PLEK: variants seen among roughly 807,000 people sequenced by gnomAD.
The protein encoded by PLEK is platelet 47 kDa protein.
Under a neutral mutation model 43.9 loss-of-function variants are expected in PLEK, and 25 were observed. The observed-to-expected ratio is 0.57, with a 90% CI of 0.41 to 0.79. The LOEUF is 0.79. Ranked by LOEUF, PLEK falls within the 30% of genes least tolerant of loss-of-function variation. PLEK has a pLI of 0.00. For synonymous variants in PLEK, 152 were observed against 144.4 expected, an observed-to-expected ratio of 1.05 and a Z score of -0.38; for missense variants, 396 against 413.3, an observed-to-expected ratio of 0.96 and a Z score of 0.36.
chr2:68,395,452 A>AAT (rs1018421709), intron 8 of PLEK, among the ~76,000 whole-genome samples: 2 of 152,054 alleles, frequency 1.3e-5, no homozygotes, highest in African/African-American at 2.4e-5. Context: ...ATTTCTTAAA[A>AAT]ATATATATAT....
intron 4 of PLEK, among the ~76,000 whole-genome samples, chr2:68,384,983 A>T (rs1235901555): frequency 6.6e-6 from 1 of 152,224 alleles, no homozygotes; most frequent in Non-Finnish European, 1.5e-5. Context: ...AAATTCATGG[A>T]AGGCTCGCTA....
chr2:68,397,123 T>C lies in PLEK; in HGVS notation c.*1307T>C, dbSNP rs1271249401. ...CCAAAATTGAGAAAGACAGCACCCA[T>C]TGAAGCAGATATGTGTGTGAAAGTA... On this transcript the variant is annotated 3_prime_UTR_variant, in exon 9 of 9. Coordinates refer to ENST00000234313, the MANE Select transcript of PLEK (RefSeq NM_002664.3). 1 of 152,184 alleles carries C rather than the reference T, an allele frequency of 6.6e-6. No individual in the cohort carries two copies. The highest frequency in any genetic ancestry group is 6.5e-5 in the Admixed American group (1 of 15,278). The allele number at this position is 152,184 out of a possible 1,614,324, so 9.4% of individuals were successfully genotyped here. A position where few individuals can be genotyped will look rare whatever the true frequency, so the allele number is the denominator to read the frequency against.
chr2:68,374,158 C>T (rs750301898), intron 1 of PLEK, among the ~76,000 whole-genome samples: 12 of 152,246 alleles, frequency 7.9e-5, no homozygotes, highest in South Asian at 2.1e-4. Context: ...GCAGACATCA[C>T]GCTACCTCAC....
At chr2:68,388,772 A>G (rs1673801175) in intron 6 of PLEK, among the ~76,000 whole-genome samples, 1 of 152,016 alleles carries the variant, frequency 6.6e-6, no homozygotes, top group South Asian at 2.1e-4. Flanking sequence ...TGGCCGGAGG[A>G]GATAAATTGT....
At chr2:68,390,112 G>T (rs1010831612) in intron 6 of PLEK, among the ~76,000 whole-genome samples, 1 of 152,192 alleles carries the variant, frequency 6.6e-6, no homozygotes, top group East Asian at 1.9e-4. Context: ...ACCTGGGATG[G>T]TCAAAAATTG....
At position 68,388,476 on chromosome 2, in the gene PLEK, A is replaced by G. The variant is rs779849370; in HGVS notation, c.747A>G (p.Gly249=). Residue 249 remains glycine, a synonymous_variant, in exon 6 of 9, where the codon GGA becomes GGG. Transcript: ENST00000234313. ...TCAGAGGGGTCATTATCAAGCAGGG[A>G]TGTTTACTGAAGCAGGTGAGTGGCC... ...EEFRGVIIKQ[G]CLLKQGHRRK... is the part of the protein sequence containing the mutation. 1.3e-6 allele frequency: 2 copies of G among 1,584,908 alleles called. No homozygotes were observed. The highest frequency in any genetic ancestry group is 1.7e-4 in the Middle Eastern group (1 of 6,000).
At chr2:68,395,647 G>A (rs1165193256) in intron 8 of PLEK, 33 bp from the exon 9 acceptor site, 2 of 1,613,630 alleles carry the variant, frequency 1.2e-6, no homozygotes, top group Admixed American at 1.7e-5. Flanking sequence ...TCTGATGCCT[G>A]TGCGTGCTGC....
Position 68,372,971 on chromosome 2 carries a change from G to A in PLEK, c.43-7357G>A, listed in dbSNP as rs529923396. Among the ~76,000 whole-genome samples the A allele has an allele frequency of 5.3e-5, 8 of 151,722 alleles. No homozygotes were observed. In the East Asian group the frequency reaches 1.4e-3, roughly 26 times the overall value. ...AACATTAATTGTTCAGATGTGGTAGGCCAATCACTTAACTGGGCCTCCACT... is the reference window on the plus strand; with the variant it reads ...AACATTAATTGTTCAGATGTGGTAGACCAATCACTTAACTGGGCCTCCACT... On this transcript the variant is annotated intron_variant, in intron 1 of 8. Coordinates refer to ENST00000234313, the MANE Select transcript of PLEK (RefSeq NM_002664.3).
At chr2:68,389,580 A>G (rs1180244298) in intron 6 of PLEK, among the ~76,000 whole-genome samples, 1 of 152,194 alleles carries the variant, frequency 6.6e-6, no homozygotes, top group African/African-American at 2.4e-5. Context: ...ATAGGTATGG[A>G]TTTTGAGTTT....
At position 68,382,768 on chromosome 2, in the gene PLEK, G is replaced by A; in HGVS notation, c.472+135G>A. The stretch of plus-strand genomic sequence containing the variant: ...CCAGAATGCAGCCTGGTGAGCCTGA[G>A]GATGAAGCTCCTACAGAGTGAAAAT... On this transcript the variant is annotated intron_variant, in intron 4 of 8. Transcript: ENST00000234313. 5.0e-6 allele frequency: 3 copies of A among 602,640 alleles called. No individual in the cohort carries two copies. In the South Asian group the frequency reaches 7.0e-5, roughly 14 times the overall value. 37.3% of individuals were successfully genotyped at this position (602,640 alleles called of 1,614,324 possible).
At chr2:68,367,450 C>T (rs368886497) in intron 1 of PLEK, among the ~76,000 whole-genome samples, 41 of 152,208 alleles carry the variant, frequency 2.7e-4, no homozygotes, top group Non-Finnish European at 4.9e-4. Context: ...TAGCTTCCAG[C>T]GTCTCATTTG....
chr2:68,369,358 A>G (rs936355511), intron 1 of PLEK, among the ~76,000 whole-genome samples: 3 of 152,006 alleles, frequency 2.0e-5, no homozygotes, highest in Admixed American at 6.6e-5. Flanking sequence ...ACCACTTTCT[A>G]TGTGGCCCTC....
rs375603732 is a variant in PLEK, at chr2:68,380,741, A to G, written c.217A>G (p.Thr73Ala). 1.2e-6 allele frequency: 2 copies of G among 1,613,752 alleles called. No homozygotes were observed. Among genetic ancestry groups the G allele is most frequent in the Non-Finnish European group, 1.7e-6 (2 of 1,179,818 alleles). The change falls in exon 3 of 9, where the codon ACG becomes GCG. Residue 73 changes from threonine to alanine, a missense_variant. Coordinates refer to ENST00000234313, the MANE Select transcript of PLEK (RefSeq NM_002664.3). ...GKRMFVFKITTTKQQDHFFQA... is the reference protein window; with the variant it reads ...GKRMFVFKITATKQQDHFFQA... ...TTTTCAGTTTGTGTTTAAGATCACT[A>G]CGACCAAACAGCAGGACCACTTCTT...
In PLEK at chr2:68,382,612, A is replaced by G. The variant is rs1673648415; in HGVS notation, c.451A>G (p.Ile151Val). ...KELNLEKDKK[I>V]FNHCFTGNCV... Reference sequence around the variant, plus strand: ...ACTGAATCTAGAGAAGGACAAGAAGATTTTTAATCACTGCTTCACAGGTAA... The same window carrying G: ...ACTGAATCTAGAGAAGGACAAGAAGGTTTTTAATCACTGCTTCACAGGTAA... The change falls in exon 4 of 9, where the codon ATT (isoleucine) becomes GTT (valine). Residue 151 changes from isoleucine (I) to valine (V), a missense_variant. Ile to Val is a conservative substitution (Grantham distance 29). Transcript: ENST00000234313. The G allele has an allele frequency of 6.3e-7, 1 of 1,599,278 alleles. No homozygotes were observed. Among genetic ancestry groups the G allele is most frequent in the Admixed American group, 1.7e-5 (1 of 59,964 alleles).
At chr2:68,366,271 A>G (rs529977381) in intron 1 of PLEK, among the ~76,000 whole-genome samples, 1 of 152,358 alleles carries the variant, frequency 6.6e-6, no homozygotes, top group East Asian at 1.9e-4. Context: ...TGAACAGTGA[A>G]TGTGAGTCTG....
At chr2:68,381,473 TG>T (rs552291572) in intron 3 of PLEK, among the ~76,000 whole-genome samples, 6 of 152,204 alleles carry the variant, frequency 3.9e-5, no homozygotes, top group Non-Finnish European at 7.3e-5. Context: ...AGGTTGGGAA[TG>T]GGATTTCTTC....
At position 68,383,018 on chromosome 2, in the gene PLEK, T is replaced by C. The variant is rs74389727; in HGVS notation, c.472+385T>C. Among the ~76,000 whole-genome samples the C allele has an allele frequency of 3.0e-3, 459 of 152,302 alleles. 1 individual carries two copies. Among genetic ancestry groups the C allele is most frequent in the African/African-American group, 0.01 (429 of 41,566 alleles). ...AAGTTTTAAATGACAATATTAGGGCTATCAGAGGCTGCACAGGGTCAGGTA... is the reference window on the plus strand; with the variant it reads ...AAGTTTTAAATGACAATATTAGGGCCATCAGAGGCTGCACAGGGTCAGGTA... On this transcript the variant is annotated intron_variant, in intron 4 of 8. Transcript: ENST00000234313.
intron 5 of PLEK, 76 bp from the exon 6 acceptor site, chr2:68,388,311 A>G (rs80107243): frequency 3.8e-5 from 30 of 780,536 alleles, no homozygotes; most frequent in African/African-American, 3.5e-5. Flanking sequence ...GCTGGAGGGG[A>G]GGGGGAATGG....
At chr2:68,389,617 G>T (rs913634261) in intron 6 of PLEK, among the ~76,000 whole-genome samples, 36 of 152,262 alleles carry the variant, frequency 2.4e-4, no homozygotes, top group African/African-American at 8.7e-4. Context: ...ACATTCGAAT[G>T]GAAAAATTAC....
Sources: allele counts gnomAD v4.1 joint callset (sites outside exome capture counted in the v4.1 genomes callset), GRCh38; gene constraint gnomAD v4.1.1; transcripts MANE v1.5; gene names NCBI Gene and HGNC (gene_info 2026-07-23, HGNC 2026-07-21).